BABAM2: variants seen among roughly 807,000 people sequenced by gnomAD.
The protein encoded by BABAM2 is BRISC and BRCA1-A complex member 2.
In BABAM2, 31 loss-of-function variants were observed where a neutral mutation model predicts 54.7. The ratio of observed to expected loss-of-function variants is 0.57; its 90% CI spans 0.43 to 0.77. The LOEUF (loss-of-function observed/expected upper bound fraction) is 0.77. BABAM2 is among the 30% of genes least tolerant of loss of function. BABAM2 has a pLI of 0.00. For missense variants in BABAM2, 364 were observed against 455.8 expected (o/e 0.80, Z 1.83); for synonymous variants, 167 against 162.9 (o/e 1.03, Z -0.19).
intron 9 of BABAM2, 142 bp from the exon 10 acceptor site, chr2:28,244,638 A>C: frequency 1.5e-6 from 1 of 689,206 alleles, no homozygotes; most frequent in Non-Finnish European, 2.4e-6. Flanking sequence ...CCCTTCCTGC[A>C]TTAATCCTCA....
intron 7 of BABAM2, among the ~76,000 whole-genome samples, chr2:28,169,808 T>G (rs1484342921): frequency 1.3e-5 from 2 of 149,606 alleles, no homozygotes; most frequent in Admixed American, 6.6e-5. Context: ...TAATAAGGGA[T>G]TAGATATTAC....
Position 27,896,899 on chromosome 2 carries a change from C to A in BABAM2, c.128+2215C>A. 3 of 180,358 alleles carry A rather than the reference C, an allele frequency of 1.7e-5. No homozygotes were observed. In the South Asian group the frequency reaches 3.5e-4, roughly 21 times the overall value. 11.2% of individuals were successfully genotyped at this position (180,358 alleles called of 1,614,324 possible). A position where few individuals can be genotyped will look rare whatever the true frequency, so the allele number is the denominator to read the frequency against. On this transcript the variant is annotated intron_variant, in intron 2 of 11. Transcript: ENST00000379624. ...TCTGTGAAAGATCTCTGGTGATGGT[C>A]ATATCAGTGTCTCTGTGGGTAGTAC...
At chr2:28,129,165 A>G in intron 6 of BABAM2, 106 bp from the exon 7 acceptor site, 1 of 1,007,376 alleles carries the variant, frequency 9.9e-7, no homozygotes, top group Non-Finnish European at 1.6e-6. Context: ...AAGTGGAATA[A>G]GGGTAACTCA....
chr2:28,167,829 C>T (rs575326118), intron 7 of BABAM2, among the ~76,000 whole-genome samples: 10 of 152,196 alleles, frequency 6.6e-5, no homozygotes, highest in African/African-American at 1.7e-4. Context: ...CCTATATTCC[C>T]TATAAAATTG....
At chr2:27,944,225 T>G (rs934662381) in intron 3 of BABAM2, among the ~76,000 whole-genome samples, 3 of 152,166 alleles carry the variant, frequency 2.0e-5, no homozygotes, top group Non-Finnish European at 4.4e-5. Context: ...ATCAATTTTA[T>G]TGAGGTAGTG....
chr2:27,910,736 T>A (rs1394574639), intron 2 of BABAM2, among the ~76,000 whole-genome samples: 1 of 152,222 alleles, frequency 6.6e-6, no homozygotes, highest in Non-Finnish European at 1.5e-5. Flanking sequence ...ATATTCTATA[T>A]TGTTGCAGAT....
chr2:27,964,206 C>A (rs1360967532), intron 3 of BABAM2, among the ~76,000 whole-genome samples: 2 of 152,250 alleles, frequency 1.3e-5, no homozygotes, highest in Admixed American at 6.5e-5. Flanking sequence ...CCTGCTTTCC[C>A]TTCCATTTCT....
intron 7 of BABAM2, among the ~76,000 whole-genome samples, chr2:28,142,395 T>C (rs769191563): frequency 2.2e-4 from 34 of 152,200 alleles, no homozygotes; most frequent in South Asian, 8.3e-4. Flanking sequence ...GAGGTCATTT[T>C]TGAAAAAGCC....
At chr2:28,235,965 G>C (rs1342701476) in intron 7 of BABAM2, among the ~76,000 whole-genome samples, 1 of 152,072 alleles carries the variant, frequency 6.6e-6, no homozygotes, top group Non-Finnish European at 1.5e-5. Context: ...CGGCTACCCT[G>C]AACTCTTTAG....
intron 6 of BABAM2, among the ~76,000 whole-genome samples, chr2:28,122,978 G>C (rs1669207024): frequency 6.6e-6 from 1 of 152,084 alleles, no homozygotes; most frequent in South Asian, 2.1e-4. Flanking sequence ...GATAAATACT[G>C]AGAATCTTCC....
At chr2:28,101,902 C>T (rs1667113787) in intron 6 of BABAM2, among the ~76,000 whole-genome samples, 1 of 152,118 alleles carries the variant, frequency 6.6e-6, no homozygotes, top group Non-Finnish European at 1.5e-5. Context: ...GAATCATAAT[C>T]CCCAGGGCAG....
intron 10 of BABAM2, among the ~76,000 whole-genome samples, chr2:28,253,133 G>T (rs1683650980): frequency 6.6e-6 from 1 of 152,158 alleles, no homozygotes; most frequent in Non-Finnish European, 1.5e-5. Flanking sequence ...GCTGAGTGCG[G>T]TGGCTCATGC....
At chr2:27,934,967 AT>A (rs1668384997) in intron 3 of BABAM2, among the ~76,000 whole-genome samples, 1 of 152,244 alleles carries the variant, frequency 6.6e-6, no homozygotes, top group Non-Finnish European at 1.5e-5. Flanking sequence ...CATACAGAAG[AT>A]GCAGTAAGTA....
chr2:27,893,869 C>T (rs1419799940), intron 1 of BABAM2, among the ~76,000 whole-genome samples: 1 of 151,860 alleles, frequency 6.6e-6, no homozygotes, highest in Non-Finnish European at 1.5e-5. Flanking sequence ...TGGCATGTGC[C>T]TGTAGTCCCA....
Position 28,176,569 on chromosome 2 carries a change from CAAAAAAAAA to C in BABAM2, c.680+47208_680+47216del, listed in dbSNP as rs778275011. ...TGGGCAACACAGTGAGACTCTATCT[CAAAAAAAAA>C]AAAAAAAAAAAAAAAAAACCTCACT... On this transcript the variant is annotated intron_variant, in intron 7 of 11. Transcript: ENST00000379624. Among the ~76,000 whole-genome samples the C allele has an allele frequency of 0.017, 84 of 5,040 alleles. 4 individuals are homozygous for C. In the East Asian group the frequency reaches 0.17, roughly 10 times the overall value. 3.3% of individuals were successfully genotyped at this position (5,040 alleles called of 152,430 possible).
At chr2:27,909,041 T>G (rs1195219695) in intron 2 of BABAM2, among the ~76,000 whole-genome samples, 1 of 152,108 alleles carries the variant, frequency 6.6e-6, no homozygotes, top group Non-Finnish European at 1.5e-5. Context: ...TTCTTTATTA[T>G]TATTGTTATT....
At chr2:27,908,996 G>T (rs772279859) in intron 2 of BABAM2, among the ~76,000 whole-genome samples, 1 of 151,986 alleles carries the variant, frequency 6.6e-6, no homozygotes, top group Non-Finnish European at 1.5e-5. Flanking sequence ...GTTTTGGTTT[G>T]TATTTCCCTA....
At chr2:28,317,580 CTT>C (rs991057433) in intron 11 of BABAM2, among the ~76,000 whole-genome samples, 2 of 152,168 alleles carry the variant, frequency 1.3e-5, no homozygotes, top group Non-Finnish European at 2.9e-5. Context: ...ATCTTCCACT[CTT>C]TTTATTTTCT....
At chr2:28,037,160 A>G (rs546710781) in intron 5 of BABAM2, among the ~76,000 whole-genome samples, 33 of 152,250 alleles carry the variant, frequency 2.2e-4, no homozygotes, top group African/African-American at 5.1e-4. Flanking sequence ...TCTCCCTCCC[A>G]TCTTTGTCCT....
Sources: allele counts gnomAD v4.1 joint callset (sites outside exome capture counted in the v4.1 genomes callset), GRCh38; gene constraint gnomAD v4.1.1; transcripts MANE v1.5; gene names NCBI Gene and HGNC (gene_info 2026-07-23, HGNC 2026-07-21).